The following TAOK1 variants were observed in gnomAD, a reference collection of about 807,000 sequenced individuals.
The protein encoded by TAOK1 is serine/threonine-protein kinase TAO1.
A neutral mutation model predicts 138.3 loss-of-function variants in TAOK1; 21 were observed. The observed-to-expected ratio is 0.15, with a 90% confidence interval of 0.11 to 0.22. The LOEUF is 0.22. TAOK1 is among the 10% of genes least tolerant of loss of function. TAOK1 has a pLI of 1.00. For missense variants in TAOK1, 651 were observed against 1,227.7 expected (o/e 0.53, Z 7.02); for synonymous variants, 361 against 398.4 (o/e 0.91, Z 1.12).
intron 15 of TAOK1, chr17:29,514,569 C>G (rs1276077674): frequency 6.6e-6 from 1 of 152,092 alleles, no homozygotes; most frequent in Non-Finnish European, 1.5e-5. Flanking sequence ...GCCATATTCT[C>G]CAAACTGGTC....
At chr17:29,541,758 A>G (rs2032321039) in intron 19 of TAOK1, among the ~76,000 whole-genome samples, 1 of 151,870 alleles carries the variant, frequency 6.6e-6, no homozygotes, top group Non-Finnish European at 1.5e-5. Context: ...CCCAGGCGAC[A>G]GTGCAAGACT....
intron 1 of TAOK1, among the ~76,000 whole-genome samples, chr17:29,440,049 C>G (rs1351160720): frequency 6.6e-6 from 1 of 152,048 alleles, no homozygotes; most frequent in Non-Finnish European, 1.5e-5. Context: ...AAAAATCTTT[C>G]TACTTTGCAA....
At chr17:29,507,336 A>T (rs749960482) in intron 13 of TAOK1, among the ~76,000 whole-genome samples, 1 of 151,520 alleles carries the variant, frequency 6.6e-6, no homozygotes, top group Non-Finnish European at 1.5e-5. Flanking sequence ...GCTTACTCCA[A>T]GGTTATAAAG....
chr17:29,511,403 T>A (rs2031717367), intron 15 of TAOK1: 1 of 152,112 alleles, frequency 6.6e-6, no homozygotes, highest in African/African-American at 2.4e-5. Context: ...CCGGCAAACA[T>A]TTGGTATTTT....
chr17:29,493,944 T>C (rs892624911), intron 10 of TAOK1, among the ~76,000 whole-genome samples: 2 of 151,760 alleles, frequency 1.3e-5, no homozygotes, highest in African/African-American at 2.4e-5. Flanking sequence ...TGAGACAGAG[T>C]CTTGCTCTGT....
At chr17:29,497,839 G>A (rs998494619) in intron 11 of TAOK1, among the ~76,000 whole-genome samples, 1 of 151,400 alleles carries the variant, frequency 6.6e-6, no homozygotes, top group Admixed American at 6.6e-5. Context: ...GAAGTTTCTA[G>A]TACTTTATTT....
intron 12 of TAOK1, among the ~76,000 whole-genome samples, chr17:29,499,963 A>C (rs1332234524): frequency 2.6e-5 from 4 of 152,198 alleles, no homozygotes; most frequent in African/African-American, 9.7e-5. Context: ...TTTGAATATA[A>C]AATGTTAAAT....
intron 1 of TAOK1, among the ~76,000 whole-genome samples, chr17:29,391,902 T>C (rs901204060): frequency 1.3e-5 from 2 of 152,242 alleles, no homozygotes; most frequent in Non-Finnish European, 1.5e-5. Flanking sequence ...CCTTTTCTTT[T>C]TCTATGACTT....
At chr17:29,441,769 G>A (rs551912785) in intron 1 of TAOK1, among the ~76,000 whole-genome samples, 2 of 151,838 alleles carry the variant, frequency 1.3e-5, no homozygotes, top group African/African-American at 2.4e-5. Flanking sequence ...CGTGGTGTGC[G>A]CGCCTGTAGT....
intron 13 of TAOK1, 96 bp downstream of exon 13, chr17:29,502,819 TTTTA>T: frequency 7.3e-7 from 1 of 1,365,912 alleles, no homozygotes; most frequent in Non-Finnish European, 9.8e-7. Flanking sequence ...TGTATTTGGG[TTTTA>T]TTTTACGAAA....
In TAOK1 at chr17:29,478,294, A is replaced by T; in HGVS notation, c.396A>T (p.Thr132=). 1 of 1,603,592 alleles carries T rather than the reference A, an allele frequency of 6.2e-7. No individual in the cohort carries two copies. The highest frequency in any genetic ancestry group is 8.5e-7 in the Non-Finnish European group (1 of 1,176,140). The part of the protein sequence containing the change: ...PLQEVEIAAI[T]HGALQGLAYL... ...AAGAAGTGGAAATAGCAGCAATTAC[A>T]CATGGTGCTCTTCAGGGATTAGCCT... Residue 132 remains threonine, a synonymous_variant, in exon 6 of 20, where the codon ACA becomes ACT. Coordinates refer to ENST00000261716, the MANE Select transcript of TAOK1 (RefSeq NM_020791.4).
At chr17:29,542,124 G>A (rs1044913509) in intron 19 of TAOK1, among the ~76,000 whole-genome samples, 9 of 152,096 alleles carry the variant, frequency 5.9e-5, no homozygotes, top group African/African-American at 2.2e-4. Context: ...TGATCCGCCC[G>A]CATCAGCCTC....
At chr17:29,503,004 T>G (rs774286815) in intron 13 of TAOK1, among the ~76,000 whole-genome samples, 4 of 152,150 alleles carry the variant, frequency 2.6e-5, no homozygotes, top group South Asian at 2.1e-4. Flanking sequence ...AACTTTTGAT[T>G]AGGAGCATAA....
intron 19 of TAOK1, among the ~76,000 whole-genome samples, chr17:29,536,431 C>G (rs1221721832): frequency 6.6e-6 from 1 of 151,826 alleles, no homozygotes. Context: ...AACCCCGTCT[C>G]TACTAAAAAT....
At chr17:29,471,276 C>CTT (rs759764241) in intron 3 of TAOK1, among the ~76,000 whole-genome samples, 109 of 81,756 alleles carry the variant, frequency 1.3e-3, no homozygotes, top group Non-Finnish European at 1.9e-3. Context: ...TATTTTCTTT[C>CTT]TTTTTTTTTT....
At chr17:29,530,349 C>T (rs1215253538) in intron 17 of TAOK1, 58 bp from the exon 18 acceptor site, 1 of 1,446,060 alleles carries the variant, frequency 6.9e-7, no homozygotes, top group African/African-American at 1.4e-5. Context: ...TGTAAGCATA[C>T]CATATACCAA....
At chr17:29,516,629 G>A (rs2031821428) in intron 15 of TAOK1, among the ~76,000 whole-genome samples, 1 of 151,142 alleles carries the variant, frequency 6.6e-6, no homozygotes, top group African/African-American at 2.4e-5. Context: ...ACCCTCCCAA[G>A]TAGCTGACAT....
At chr17:29,529,969 G>A (rs1567745941) in intron 17 of TAOK1, among the ~76,000 whole-genome samples, 3 of 151,612 alleles carry the variant, frequency 2.0e-5, no homozygotes, top group Admixed American at 6.6e-5. Flanking sequence ...TGAGGCTACA[G>A]TAAGCAATGG....
chr17:29,469,180 CGAG>C (rs1415075292), intron 3 of TAOK1, among the ~76,000 whole-genome samples: 1 of 151,818 alleles, frequency 6.6e-6, no homozygotes, highest in Non-Finnish European at 1.5e-5. Context: ...CCCAGGAGTT[CGAG>C]ACCACCCTGG....
Sources: allele counts gnomAD v4.1 joint callset (sites outside exome capture counted in the v4.1 genomes callset), GRCh38; gene constraint gnomAD v4.1.1; transcripts MANE v1.5; gene names NCBI Gene and HGNC (gene_info 2026-07-23, HGNC 2026-07-21).